Variants in THSD7A observed in about 807,000 individuals in gnomAD.
The protein encoded by THSD7A is thrombospondin type 1 domain containing 7A, also known as thrombospondin type-1 domain-containing protein 7A.
THSD7A carries 96 observed loss-of-function variants against 231.3 expected under a neutral mutation model. The ratio of observed to expected loss-of-function variants is 0.41; its 90% CI spans 0.35 to 0.49. The LOEUF is 0.49. Ranked by LOEUF, THSD7A falls within the 20% of genes least tolerant of loss-of-function variation. The pLI is 0.05. For synonymous variants in THSD7A, 940 were observed against 743.3 expected (o/e 1.26, Z -4.30); for missense variants, 2,290 against 2,070.2 (o/e 1.11, Z -2.06).
Position 11,685,183 on chromosome 7 carries a change from G to A in THSD7A, c.191-48222C>T, listed in dbSNP as rs1433669022. 3.3e-5 allele frequency among the ~76,000 whole-genome samples: 5 copies of A among 151,866 alleles called. 1 individual carries two copies. The South Asian group carries it at 1.0e-3, about 32-fold the overall frequency. On this transcript the variant is annotated intron_variant, in intron 1 of 27. Coordinates refer to ENST00000423059, the MANE Select transcript of THSD7A (RefSeq NM_015204.3). Reference sequence around the variant, plus strand: ...ACTGGCTAACTATATGCAGCAGAATGAAACTTGACCTATACCTCTCATCAT... The same window carrying A: ...ACTGGCTAACTATATGCAGCAGAATAAAACTTGACCTATACCTCTCATCAT...
chr7:11,793,736 G>A (rs57828189), intron 1 of THSD7A, among the ~76,000 whole-genome samples: 59,498 of 151,530 alleles, frequency 0.39, 11,881 homozygotes, highest in South Asian at 0.5. Flanking sequence ...AATTTTGTAT[G>A]TTAAATTTCA....
intron 4 of THSD7A, among the ~76,000 whole-genome samples, chr7:11,547,699 C>A (rs923099921): frequency 6.6e-6 from 1 of 152,142 alleles, no homozygotes; most frequent in African/African-American, 2.4e-5. Context: ...GAAGTTAATA[C>A]TAAGATGATC....
At position 11,637,164 on chromosome 7, in the gene THSD7A, A is replaced by C. The variant is rs1394905518; in HGVS notation, c.191-203T>G. On this transcript the variant is annotated intron_variant, in intron 1 of 27. Coordinates refer to ENST00000423059, the MANE Select transcript of THSD7A (RefSeq NM_015204.3). The surrounding 1 kb of genome is among the most constrained non-coding windows in gnomAD (Gnocchi z 4.2). The stretch of plus-strand genomic sequence containing the variant: ...GGGAACTGTGTCACAGAGTCTATAT[A>C]AGGTAACTTCTGGGACAATTTCACT... 1.3e-5 allele frequency among the ~76,000 whole-genome samples: 2 copies of C among 152,180 alleles called. No homozygotes were observed. The highest frequency in any genetic ancestry group is 3.8e-4 in the East Asian group (2 of 5,196).
intron 1 of THSD7A, among the ~76,000 whole-genome samples, chr7:11,702,044 C>T (rs545340676): frequency 2.4e-4 from 37 of 151,258 alleles, no homozygotes; most frequent in Admixed American, 1.5e-3. Context: ...GGTCTGTTTC[C>T]GGTGTCTTAG....
At chr7:11,397,024 C>G (rs986343887) in intron 23 of THSD7A, among the ~76,000 whole-genome samples, 1 of 152,182 alleles carries the variant, frequency 6.6e-6, no homozygotes, top group Non-Finnish European at 1.5e-5. Context: ...GAACCAATGA[C>G]AAAAACCACA....
chr7:11,783,563 C>T (rs1390211362), intron 1 of THSD7A, among the ~76,000 whole-genome samples: 1 of 152,124 alleles, frequency 6.6e-6, no homozygotes, highest in Non-Finnish European at 1.5e-5. Flanking sequence ...TGTTTAACAA[C>T]TGTTGGCAGT....
intron 2 of THSD7A, among the ~76,000 whole-genome samples, chr7:11,599,720 C>A (rs1037325096): frequency 4.6e-5 from 7 of 152,044 alleles, no homozygotes; most frequent in African/African-American, 1.7e-4. Flanking sequence ...TTCAAGTTGA[C>A]AAGGGGTGGA....
chr7:11,734,831 G>A (rs6956994), intron 1 of THSD7A, among the ~76,000 whole-genome samples: 78,710 of 151,700 alleles, frequency 0.52, 21,262 homozygotes, highest in Non-Finnish European at 0.6. Flanking sequence ...AAGGGAGAAA[G>A]TAATTGAATA....
rs1359486798 is a variant in THSD7A, at chr7:11,786,770, AAAAAAAAAAAG to A, written c.190+44976_190+44986del. 4.3e-3 allele frequency among the ~76,000 whole-genome samples: 581 copies of A among 134,010 alleles called. 7 individuals carry two copies. The highest frequency in any genetic ancestry group is 0.015 in the African/African-American group (546 of 35,640). The allele number at this position is 134,010 out of a possible 152,430, so 87.9% of individuals were successfully genotyped here. A position where few individuals can be genotyped will look rare whatever the true frequency, so the allele number is the denominator to read the frequency against. ...TTAGAGTATAATAATAAAAAAAAAA[AAAAAAAAAAAG>A]AAAAACCAATGTAATGCTAGTAAAG... is the stretch of plus-strand genomic sequence containing the variant. On this transcript the variant is annotated intron_variant, in intron 1 of 27. Transcript: ENST00000423059.
At chr7:11,648,865 C>A (rs186232226) in intron 1 of THSD7A, among the ~76,000 whole-genome samples, 1 of 151,882 alleles carries the variant, frequency 6.6e-6, no homozygotes, top group African/African-American at 2.4e-5. Context: ...AGTGACTGAG[C>A]AGCTTGCTTC....
intron 4 of THSD7A, among the ~76,000 whole-genome samples, chr7:11,560,143 G>C (rs754123801): frequency 1.3e-5 from 2 of 152,126 alleles, no homozygotes; most frequent in African/African-American, 4.8e-5. Context: ...TCATCAGAAA[G>C]TGAAAAAGCA....
At chr7:11,553,225 T>C (rs1789707093) in intron 4 of THSD7A, among the ~76,000 whole-genome samples, 1 of 152,142 alleles carries the variant, frequency 6.6e-6, no homozygotes, top group African/African-American at 2.4e-5. Flanking sequence ...GTTGTCCCTA[T>C]GTATACATAA....
At chr7:11,407,529 T>A in intron 19 of THSD7A, 106 bp from the exon 20 acceptor site, 1 of 788,396 alleles carries the variant, frequency 1.3e-6, no homozygotes. Context: ...GCAAGCCACA[T>A]AAGAGAATAA....
At chr7:11,559,868 A>C (rs1293097750) in intron 4 of THSD7A, among the ~76,000 whole-genome samples, 1 of 152,214 alleles carries the variant, frequency 6.6e-6, no homozygotes, top group Non-Finnish European at 1.5e-5. Flanking sequence ...GTTTTGATCA[A>C]AATGTAAAAT....
At chr7:11,380,193 T>G (rs1562561912) in intron 24 of THSD7A, among the ~76,000 whole-genome samples, 1 of 152,208 alleles carries the variant, frequency 6.6e-6, no homozygotes, top group Non-Finnish European at 1.5e-5. Flanking sequence ...AAAGTCACAA[T>G]TTCTGCTAAT....
At chr7:11,393,275 G>A (rs556514274) in intron 23 of THSD7A, among the ~76,000 whole-genome samples, 2 of 152,048 alleles carry the variant, frequency 1.3e-5, no homozygotes, top group African/African-American at 2.4e-5. Flanking sequence ...CAGCAGACCT[G>A]CAGCAGAGGG....
In THSD7A at chr7:11,795,271, A is replaced by G. The variant is rs555270633; in HGVS notation, c.190+36486T>C. Among the ~76,000 whole-genome samples the G allele has an allele frequency of 5.3e-5, 8 of 152,116 alleles. No homozygotes were observed. The East Asian group carries it at 1.4e-3, about 26-fold the overall frequency. ...TGCACACATACACACACAAGCATGC[A>G]CATAATTCTTGTCATTTTAGAGAGA... is the stretch of plus-strand genomic sequence containing the variant. On this transcript the variant is annotated intron_variant, in intron 1 of 27. Coordinates refer to ENST00000423059, the MANE Select transcript of THSD7A (RefSeq NM_015204.3).
At chr7:11,787,904 A>G (rs1055792527) in intron 1 of THSD7A, among the ~76,000 whole-genome samples, 1 of 152,124 alleles carries the variant, frequency 6.6e-6, no homozygotes, top group Non-Finnish European at 1.5e-5. Context: ...TCACTGCCCT[A>G]GAAATGGCTC....
chr7:11,417,755 A>C (rs767747909), intron 16 of THSD7A, among the ~76,000 whole-genome samples, 152 bp from the exon 17 acceptor site: 26 of 152,222 alleles, frequency 1.7e-4, no homozygotes, highest in Non-Finnish European at 2.9e-4. Context: ...TTATCTAATA[A>C]AATTCTCCAC....
Sources: gnomAD v4.1 joint callset for allele counts (sites outside exome capture counted in the v4.1 genomes callset) on GRCh38, gnomAD v4.1.1 for gene constraint, Gnocchi (gnomAD v3.1) non-coding constraint, MANE v1.5 for transcripts, NCBI Gene and HGNC (gene_info 2026-07-23, HGNC 2026-07-21) for gene names.